Variants in MACROD2 observed in about 807,000 individuals in gnomAD.
MACROD2 encodes mono-ADP ribosylhydrolase 2, also known as ADP-ribose glycohydrolase MACROD2.
A neutral mutation model predicts 70.4 loss-of-function variants in MACROD2; 36 were observed. The observed-to-expected ratio is 0.51, with a 90% CI of 0.39 to 0.68. The LOEUF is 0.68. Among genes scored for constraint, MACROD2 ranks in the 30% least tolerant of loss-of-function variants. The pLI is 0.00. For missense variants in MACROD2, 496 were observed against 538.4 expected (o/e 0.92, Z 0.78); for synonymous variants, 172 against 178.8 (o/e 0.96, Z 0.30).
At chr20:14,295,993 A>G (rs2082424295) in intron 3 of MACROD2, among the ~76,000 whole-genome samples, 2 of 151,862 alleles carry the variant, frequency 1.3e-5, no homozygotes, top group Non-Finnish European at 1.5e-5. Flanking sequence ...TCAATAGAGT[A>G]GTTTCATAAT....
intron 5 of MACROD2, among the ~76,000 whole-genome samples, chr20:14,711,806 C>T (rs1421044421): frequency 6.6e-6 from 1 of 152,162 alleles, no homozygotes; most frequent in Non-Finnish European, 1.5e-5. Flanking sequence ...GAGCTGTTTT[C>T]ACTTTCTTTA....
chr20:14,851,322 A>T (rs1205568971), intron 5 of MACROD2, among the ~76,000 whole-genome samples: 1 of 152,184 alleles, frequency 6.6e-6, no homozygotes, highest in Non-Finnish European at 1.5e-5. Context: ...AGATAAGATC[A>T]GTTTAGTTGC....
intron 6 of MACROD2, among the ~76,000 whole-genome samples, chr20:15,299,646 T>C (rs1302189183): frequency 2.0e-5 from 3 of 152,230 alleles, no homozygotes; most frequent in Non-Finnish European, 4.4e-5. Flanking sequence ...TTATCACCCA[T>C]GCAAGGCAAT....
chr20:15,773,300 AT>A (rs928448927), intron 8 of MACROD2, among the ~76,000 whole-genome samples: 9 of 151,732 alleles, frequency 5.9e-5, no homozygotes, highest in African/African-American at 2.2e-4. Flanking sequence ...AGGGAGTGCT[AT>A]TTTTTTTAAT....
intron 7 of MACROD2, among the ~76,000 whole-genome samples, chr20:15,493,577 T>A (rs1409986547): frequency 6.6e-6 from 1 of 152,208 alleles, no homozygotes; most frequent in Non-Finnish European, 1.5e-5. Context: ...AGAGTTCTAG[T>A]AAACATATTT....
intron 5 of MACROD2, among the ~76,000 whole-genome samples, chr20:14,963,176 A>G (rs2074600066): frequency 6.6e-6 from 1 of 152,158 alleles, no homozygotes; most frequent in African/African-American, 2.4e-5. Context: ...TGGGATGTGC[A>G]GGTAGAGATT....
chr20:15,031,850 A>T (rs1204083161), intron 5 of MACROD2, among the ~76,000 whole-genome samples: 1 of 152,060 alleles, frequency 6.6e-6, no homozygotes, highest in Non-Finnish European at 1.5e-5. Flanking sequence ...CCTGGCTTGA[A>T]GGTGGGGTTT....
At chr20:15,245,081 T>G (rs1313990133) in intron 6 of MACROD2, among the ~76,000 whole-genome samples, 1 of 152,226 alleles carries the variant, frequency 6.6e-6, no homozygotes, top group Non-Finnish European at 1.5e-5. Flanking sequence ...ATGGTAGTGT[T>G]AATGTGAGAC....
At chr20:15,792,018 A>G (rs547985349) in intron 8 of MACROD2, among the ~76,000 whole-genome samples, 1 of 152,242 alleles carries the variant, frequency 6.6e-6, no homozygotes, top group East Asian at 1.9e-4. Context: ...TCTATATAAA[A>G]ATAGCCAACA....
In MACROD2 at chr20:14,248,093, A is replaced by C. The variant is rs72623533; in HGVS notation, c.271+162365A>C. On this transcript the variant is annotated intron_variant, in intron 3 of 17. Transcript: ENST00000684519. ...TTTCACTGTATTAATGATACGCCAT[A>C]TTTTTTTTACTGTTAAGTACTTATA... Among the ~76,000 whole-genome samples the C allele has an allele frequency of 1.8e-3, 180 of 97,982 alleles. 1 individual carries two copies. The highest frequency in any genetic ancestry group is 3.5e-3 in the South Asian group (8 of 2,318). 64.3% of individuals were successfully genotyped at this position (97,982 alleles called of 152,430 possible).
intron 6 of MACROD2, among the ~76,000 whole-genome samples, chr20:15,338,171 AG>A (rs2078069360): frequency 6.6e-6 from 1 of 151,652 alleles, no homozygotes; most frequent in African/African-American, 2.4e-5. Context: ...CGCTAAACAC[AG>A]ACACAAACCC....
chr20:14,812,842 C>A (rs1321245111), intron 5 of MACROD2, among the ~76,000 whole-genome samples: 1 of 151,964 alleles, frequency 6.6e-6, no homozygotes, highest in East Asian at 1.9e-4. Flanking sequence ...GAAGAGTCAA[C>A]CCCACAGATT....
intron 3 of MACROD2, among the ~76,000 whole-genome samples, chr20:14,356,543 CACCCAGG>C (rs2083174622): frequency 7.9e-6 from 1 of 127,364 alleles, no homozygotes; most frequent in Non-Finnish European, 1.6e-5. Context: ...CTTGCTCTGT[CACCCAGG>C]GTGGAGGGCA....
chr20:15,378,179 A>C, intron 6 of MACROD2, among the ~76,000 whole-genome samples: 1 of 106,354 alleles, frequency 9.4e-6, no homozygotes, highest in African/African-American at 6.9e-5. Context: ...AGAGAAAGGA[A>C]CCCAAAGTCC....
chr20:15,028,367 G>C (rs559598064), intron 5 of MACROD2, among the ~76,000 whole-genome samples: 1 of 152,266 alleles, frequency 6.6e-6, no homozygotes, highest in East Asian at 1.9e-4. Context: ...GTGGAGTGAG[G>C]AACAATGCTG....
At chr20:15,045,309 C>A (rs1251470840) in intron 5 of MACROD2, among the ~76,000 whole-genome samples, 5 of 152,134 alleles carry the variant, frequency 3.3e-5, no homozygotes, top group African/African-American at 4.8e-5. Flanking sequence ...TTGGGAATCC[C>A]AAACATCCAG....
chr20:15,084,206 A>G (rs2075729836), intron 5 of MACROD2, among the ~76,000 whole-genome samples: 1 of 151,794 alleles, frequency 6.6e-6, no homozygotes, highest in South Asian at 2.1e-4. Context: ...GCTGGAATTA[A>G]CAGGTGTGCA....
intron 12 of MACROD2, among the ~76,000 whole-genome samples, chr20:15,956,018 T>C (rs1489820185): frequency 6.6e-6 from 1 of 152,200 alleles, no homozygotes; most frequent in Non-Finnish European, 1.5e-5. Context: ...TTACATTCTT[T>C]GTATGTGTAT....
intron 4 of MACROD2, among the ~76,000 whole-genome samples, chr20:14,516,455 A>G (rs1420684301): frequency 1.3e-5 from 2 of 152,134 alleles, no homozygotes; most frequent in African/African-American, 4.8e-5. Flanking sequence ...TAAGTCTTTA[A>G]TCCATCTTGA....
Sources: gnomAD v4.1 joint callset for allele counts (sites outside exome capture counted in the v4.1 genomes callset) on GRCh38, gnomAD v4.1.1 for gene constraint, MANE v1.5 for transcripts, NCBI Gene and HGNC (gene_info 2026-07-23, HGNC 2026-07-21) for gene names.